Variants in CSTPP1 observed in about 807,000 individuals in gnomAD.
CSTPP1 encodes the protein centriolar satellite-associated tubulin polyglutamylase complex regulator 1.
the CSTPP1 span, among the ~76,000 whole-genome samples, chr11:47,053,334 A>C: frequency 1.3e-5 from 2 of 152,104 alleles, no homozygotes; most frequent in Non-Finnish European, 1.5e-5. Flanking sequence ...TAAAAAAGAA[A>C]TTGGGCCAGG....
the CSTPP1 span, among the ~76,000 whole-genome samples, chr11:47,095,567 C>A: frequency 3.9e-5 from 6 of 152,218 alleles, no homozygotes; most frequent in East Asian, 5.8e-4. Context: ...ACCAAACTAA[C>A]CTTTGAGTCA....
At chr11:46,965,268 C>G in the CSTPP1 span, among the ~76,000 whole-genome samples, 1 of 138,648 alleles carries the variant, frequency 7.2e-6, no homozygotes, top group Non-Finnish European at 1.5e-5. Context: ...CTCTGTCGCT[C>G]GGGCTGGAAT....
At chr11:47,069,344 A>G in the CSTPP1 span, among the ~76,000 whole-genome samples, 1 of 152,220 alleles carries the variant, frequency 6.6e-6, no homozygotes, top group East Asian at 1.9e-4. Flanking sequence ...CTAAATGAAC[A>G]TATACATTTT....
At chr11:46,937,482 T>C in the CSTPP1 span, among the ~76,000 whole-genome samples, 1 of 152,206 alleles carries the variant, frequency 6.6e-6, no homozygotes, top group Admixed American at 6.5e-5. Flanking sequence ...GTTGAGCATC[T>C]TTAGTGTATA....
the CSTPP1 span, among the ~76,000 whole-genome samples, chr11:47,033,109 G>A: frequency 6.6e-6 from 1 of 152,194 alleles, no homozygotes; most frequent in Non-Finnish European, 1.5e-5. Flanking sequence ...CTGAGGAAGA[G>A]AAAGAGGAGG....
the CSTPP1 span, among the ~76,000 whole-genome samples, chr11:47,015,169 A>G: frequency 6.6e-6 from 1 of 152,176 alleles, no homozygotes; most frequent in Non-Finnish European, 1.5e-5. Context: ...GAAGAAACAG[A>G]ATTTGTAGTT....
At chr11:47,078,092 A>G in the CSTPP1 span, among the ~76,000 whole-genome samples, 2 of 152,232 alleles carry the variant, frequency 1.3e-5, no homozygotes, top group Admixed American at 1.3e-4. Context: ...TGTGTGGTGA[A>G]AAAGATAATT....
the CSTPP1 span, among the ~76,000 whole-genome samples, chr11:47,066,103 T>G: frequency 1.3e-4 from 17 of 135,616 alleles, no homozygotes; most frequent in South Asian, 2.5e-4. Flanking sequence ...GTTTTTTTTT[T>G]TTTTTTTTTT....
chr11:47,012,647 A>G, the CSTPP1 span, among the ~76,000 whole-genome samples: 3 of 152,196 alleles, frequency 2.0e-5, no homozygotes, highest in Admixed American at 1.3e-4. Context: ...CTTCCATTTC[A>G]AGGATATAAT....
At chr11:47,127,336 CA>C in the CSTPP1 span, among the ~76,000 whole-genome samples, 2 of 152,170 alleles carry the variant, frequency 1.3e-5, no homozygotes, top group African/African-American at 4.8e-5. Context: ...ACACTGTCTG[CA>C]AATATGAGCC....
the CSTPP1 span, chr11:47,162,227 A>G: frequency 1.0e-6 from 1 of 985,492 alleles, no homozygotes; most frequent in Non-Finnish European, 1.2e-6. Flanking sequence ...AAACGAATAA[A>G]AAGTCCCTCA....
chr11:47,154,130 T>C, the CSTPP1 span, among the ~76,000 whole-genome samples: 2 of 151,334 alleles, frequency 1.3e-5, no homozygotes, highest in African/African-American at 4.9e-5. Context: ...AGAAGTGGGG[T>C]TTCACCATGT....
At chr11:46,968,727 C>T in the CSTPP1 span, among the ~76,000 whole-genome samples, 4 of 151,750 alleles carry the variant, frequency 2.6e-5, no homozygotes, top group Non-Finnish European at 4.4e-5. Context: ...GGTGACACCC[C>T]GTCTCTACTA....
the CSTPP1 span, among the ~76,000 whole-genome samples, chr11:47,005,344 T>C: frequency 2.0e-5 from 3 of 152,180 alleles, no homozygotes; most frequent in Non-Finnish European, 2.9e-5. Flanking sequence ...GAGCTTCAAA[T>C]GTGCTCTATA....
chr11:46,962,171 CA>C, the CSTPP1 span, among the ~76,000 whole-genome samples: 1 of 152,306 alleles, frequency 6.6e-6, no homozygotes, highest in Admixed American at 6.5e-5. Flanking sequence ...ATGGGAACTA[CA>C]GTTCAAGATG....
At chr11:46,958,555 C>T in the CSTPP1 span, among the ~76,000 whole-genome samples, 1 of 152,130 alleles carries the variant, frequency 6.6e-6, no homozygotes, top group Non-Finnish European at 1.5e-5. Flanking sequence ...AGCATTCCTC[C>T]CTCCTTGAAG....
chr11:46,941,084 A>G, the CSTPP1 span, among the ~76,000 whole-genome samples: 2 of 152,210 alleles, frequency 1.3e-5, no homozygotes, highest in East Asian at 1.9e-4. Flanking sequence ...AGCCCAACCA[A>G]TCACCTAATA....
chr11:47,036,006 C>T, the CSTPP1 span, among the ~76,000 whole-genome samples: 1 of 139,034 alleles, frequency 7.2e-6, no homozygotes, highest in Non-Finnish European at 1.5e-5. Context: ...TTCATTATCT[C>T]TAAGATGTTA....
At chr11:47,039,512 C>T in the CSTPP1 span, among the ~76,000 whole-genome samples, 2 of 126,334 alleles carry the variant, frequency 1.6e-5, no homozygotes, top group African/African-American at 5.0e-5. Context: ...AGCTCTGGTA[C>T]TTTCTTATAG....
Sources: gnomAD v4.1 joint callset for allele counts (sites outside exome capture counted in the v4.1 genomes callset) on GRCh38, gnomAD v4.1.1 for gene constraint, MANE v1.5 for transcripts, NCBI Gene and HGNC (gene_info 2026-07-23, HGNC 2026-07-21) for gene names.